SLCO1C1: variants seen among roughly 807,000 people sequenced by gnomAD.
The protein encoded by SLCO1C1 is solute carrier organic anion transporter family member 1C1, also known as OAT-RP-5.
SLCO1C1 carries 70 observed loss-of-function variants against 76.4 expected under a neutral mutation model. The ratio of observed to expected loss-of-function variants is 0.92; its 90% confidence interval spans 0.76 to 1.12. SLCO1C1 has a LOEUF of 1.12. Among genes scored for constraint, SLCO1C1 ranks in the 50% most tolerant of loss-of-function variants. SLCO1C1 has a pLI of 0.00. For synonymous variants in SLCO1C1, 306 were observed against 286.1 expected (o/e 1.07, Z -0.70); for missense variants, 912 against 823.8 (o/e 1.11, Z -1.31).
rs905545093 is a variant in SLCO1C1 at position 20,748,014 on chromosome 12, CA to C, written c.1799-2657del. Among the ~76,000 whole-genome samples the C allele has an allele frequency of 1.6e-4, 24 of 152,232 alleles. 1 individual carries two copies. Among genetic ancestry groups the C allele is most frequent in the African/African-American group, 5.5e-4 (23 of 41,558 alleles). On this transcript the variant is annotated intron_variant, in intron 13 of 14. Transcript: ENST00000266509. ...AACATGTTTGGTGTGCTCTTCTAAT[CA>C]AAACCATAATGACTTGTTTTAATCT...
At chr12:20,715,514 C>T (rs1947322998) in intron 6 of SLCO1C1, among the ~76,000 whole-genome samples, 1 of 152,200 alleles carries the variant, frequency 6.6e-6, no homozygotes, top group Admixed American at 6.5e-5. Context: ...AAGAAAATAA[C>T]TGCGAGCTTA....
Position 20,721,894 on chromosome 12 carries a change from CT to C in SLCO1C1, c.867del (p.Val290CysfsTer30). On this transcript the variant is annotated frameshift_variant, in exon 8 of 15. Coordinates refer to ENST00000266509, the MANE Select transcript of SLCO1C1 (RefSeq NM_017435.5). LOFTEE classifies it high-confidence loss of function. The stretch of plus-strand genomic sequence containing the variant: ...GCAGGAATCATAAGTCTTCTTGCAG[CT>C]GTGCCTTTCTGGTATTTACCAAAGA... ...LIAGIISLLA[A>X]VPFWYLPKSL... is the part of the protein sequence containing the mutation. 6.2e-7 allele frequency: 1 copy of C among 1,614,160 alleles called. No individual in the cohort carries two copies. Among genetic ancestry groups the C allele is most frequent in the Middle Eastern group, 1.6e-4 (1 of 6,062 alleles).
At chr12:20,731,288 A>G (rs571864096) in intron 9 of SLCO1C1, among the ~76,000 whole-genome samples, 6 of 152,230 alleles carry the variant, frequency 3.9e-5, no homozygotes, top group African/African-American at 1.4e-4. Flanking sequence ...CTCCCACAAT[A>G]TATATTTTTT....
At chr12:20,702,551 C>G (rs1946574004) in intron 3 of SLCO1C1, among the ~76,000 whole-genome samples, 2 of 151,824 alleles carry the variant, frequency 1.3e-5, no homozygotes, top group Admixed American at 6.6e-5. Context: ...CTAAATGATA[C>G]TGATGCTTCT....
At chr12:20,740,046 C>T (rs1948728081) in intron 11 of SLCO1C1, 138 bp from the exon 12 acceptor site, 1 of 854,930 alleles carries the variant, frequency 1.2e-6, no homozygotes, top group Non-Finnish European at 1.8e-6. Context: ...GCTCAATATA[C>T]TGTAATACAA....
intron 9 of SLCO1C1, among the ~76,000 whole-genome samples, chr12:20,732,332 C>T (rs1217042165): frequency 1.3e-5 from 2 of 152,084 alleles, no homozygotes; most frequent in African/African-American, 4.8e-5. Flanking sequence ...TAATAATATG[C>T]CTGCTCTTAA....
Position 20,732,999 on chromosome 12 carries a change from A to G in SLCO1C1, c.1277A>G (p.Lys426Arg). 1.9e-6 allele frequency: 3 copies of G among 1,613,838 alleles called. No individual in the cohort carries two copies. Among genetic ancestry groups the G allele is most frequent in the Non-Finnish European group, 2.5e-6 (3 of 1,179,916 alleles). Residue 426 changes from lysine to arginine, a missense_variant, in exon 10 of 15, where the codon AAA becomes AGA. By Grantham distance (26) the Lys-to-Arg change is conservative. Transcript: ENST00000266509. ...KFRISVCGAAKLYLGSSVFGY... is the reference protein window; with the variant it reads ...KFRISVCGAARLYLGSSVFGY... ...AGAATCAGTGTGTGTGGAGCTGCAA[A>G]ACTCTACTTGGGATCATCTGTCTTT...
chr12:20,736,332 A>AT (rs1215948897), intron 10 of SLCO1C1, among the ~76,000 whole-genome samples: 1 of 85,936 alleles, frequency 1.2e-5, no homozygotes, highest in South Asian at 4.8e-4. Flanking sequence ...AAAAAAACCA[A>AT]TTTTGGGGGG....
intron 11 of SLCO1C1, among the ~76,000 whole-genome samples, chr12:20,737,507 T>C (rs1025497509): frequency 5.3e-5 from 8 of 152,168 alleles, no homozygotes; most frequent in Admixed American, 6.5e-5. Context: ...TTTGTAATTA[T>C]GTAGTCTATT....
At chr12:20,713,770 T>A (rs1018439265) in intron 5 of SLCO1C1, among the ~76,000 whole-genome samples, 1 of 152,208 alleles carries the variant, frequency 6.6e-6, no homozygotes, top group Non-Finnish European at 1.5e-5. Context: ...ATGTGACTAT[T>A]GGGTATTTGA....
At chr12:20,701,536 C>A in intron 3 of SLCO1C1, 77 bp downstream of exon 3, 88 of 972,822 alleles carry the variant, frequency 9.0e-5, no homozygotes, top group South Asian at 1.3e-4. Context: ...CTTCTGCATT[C>A]TATTGTCTGC....
At chr12:20,699,496 A>T in intron 1 of SLCO1C1, 56 bp from the exon 2 acceptor site, 7 of 1,388,396 alleles carry the variant, frequency 5.0e-6, no homozygotes, top group Non-Finnish European at 5.7e-6. Context: ...GAATAAAAAA[A>T]TTTAATAAAT....
intron 13 of SLCO1C1, among the ~76,000 whole-genome samples, chr12:20,746,519 A>C (rs985840332): frequency 6.6e-6 from 1 of 152,170 alleles, no homozygotes; most frequent in Non-Finnish European, 1.5e-5. Flanking sequence ...AATAGCTAAA[A>C]GCTTTAGATG....
chr12:20,735,704 T>C (rs1214985950), intron 10 of SLCO1C1, among the ~76,000 whole-genome samples: 1 of 152,200 alleles, frequency 6.6e-6, no homozygotes, highest in African/African-American at 2.4e-5. Flanking sequence ...TCATACCAGT[T>C]CTACTAGATG....
intron 4 of SLCO1C1, among the ~76,000 whole-genome samples, chr12:20,709,145 C>T (rs755771427): frequency 1.3e-5 from 2 of 152,174 alleles, no homozygotes; most frequent in Non-Finnish European, 2.9e-5. Context: ...GATTTGAATG[C>T]GGGTCAGAAT....
chr12:20,713,514 C>T (rs574273713), intron 5 of SLCO1C1, among the ~76,000 whole-genome samples: 98 of 152,296 alleles, frequency 6.4e-4, no homozygotes, highest in African/African-American at 2.3e-3. Context: ...CAGACAGATA[C>T]AGAGAATGAC....
chr12:20,738,910 A>G (rs974695898), intron 11 of SLCO1C1, among the ~76,000 whole-genome samples: 3 of 152,210 alleles, frequency 2.0e-5, no homozygotes, highest in African/African-American at 7.2e-5. Context: ...TCAACTTGAC[A>G]TTACAAAAAA....
rs1565541668 is a variant in SLCO1C1 at position 20,740,787 on chromosome 12, T to TATATA, written c.1733+419_1733+420insATATA. On this transcript the variant is annotated intron_variant, in intron 12 of 14. Transcript: ENST00000266509. The stretch of plus-strand genomic sequence containing the variant: ...ACAACAATGTTAGAATTTATTTTAT[T>TATATA]TATATATATATATATATATATATAT... Among the ~76,000 whole-genome samples the TATATA allele has an allele frequency of 1.4e-3, 105 of 75,070 alleles. 3 individuals are homozygous for TATATA. Among genetic ancestry groups the TATATA allele is most frequent in the South Asian group, 2.1e-3 (4 of 1,932 alleles). The allele number at this position is 75,070 out of a possible 152,430, so 49.2% of individuals were successfully genotyped here.
chr12:20,733,734 T>A (rs969017224), intron 10 of SLCO1C1, among the ~76,000 whole-genome samples: 1 of 152,138 alleles, frequency 6.6e-6, no homozygotes, highest in African/African-American at 2.4e-5. Flanking sequence ...TTTAGCTGAG[T>A]GTCTTGCAAT....
Sources: allele counts gnomAD v4.1 joint callset (sites outside exome capture counted in the v4.1 genomes callset), GRCh38; gene constraint gnomAD v4.1.1; transcripts MANE v1.5; gene names NCBI Gene and HGNC (gene_info 2026-07-23, HGNC 2026-07-21).